PCDH11X: variants seen among roughly 807,000 people sequenced by gnomAD.
PCDH11X encodes the protein protocadherin 11 X-linked.
PCDH11X carries 18 observed loss-of-function variants against 53.3 expected under a neutral mutation model. The observed-to-expected ratio is 0.34, with a 90% CI of 0.23 to 0.50. The LOEUF (loss-of-function observed/expected upper bound fraction) is 0.50. Among genes scored for constraint, PCDH11X ranks in the 20% least tolerant of loss-of-function variants. PCDH11X has a pLI of 0.98. For synonymous variants in PCDH11X, 279 were observed against 393.3 expected, an observed-to-expected ratio of 0.71 and a Z score of 3.44; for missense variants, 570 against 1,032.4, an observed-to-expected ratio of 0.55 and a Z score of 6.14.
chrX:92,384,387 G>T (rs774466713), intron 8 of PCDH11X, among the ~76,000 whole-genome samples: 99 of 111,637 alleles, frequency 8.9e-4, no homozygotes, highest in African/African-American at 2.8e-3. Context: ...TTATTTACAA[G>T]AATGCAAATG....
At chrX:92,555,374 A>T (rs950493352) in intron 10 of PCDH11X, among the ~76,000 whole-genome samples, 5 of 111,906 alleles carry the variant, frequency 4.5e-5, no homozygotes, top group Middle Eastern at 8.5e-3. Flanking sequence ...ACATTCACAT[A>T]AAAAAATTAG....
intron 7 of PCDH11X, among the ~76,000 whole-genome samples, chrX:92,258,765 A>G (rs2067653908): frequency 1.8e-5 from 2 of 111,728 alleles, no homozygotes; most frequent in African/African-American, 6.5e-5. Context: ...AATTTTTCAA[A>G]ATTTTATGCT....
intron 6 of PCDH11X, among the ~76,000 whole-genome samples, chrX:92,005,829 AG>A (rs1358814054): frequency 8.9e-6 from 1 of 111,766 alleles, no homozygotes; most frequent in Non-Finnish European, 1.9e-5. Context: ...TGTCTGAGAA[AG>A]TCTTCATTTC....
intron 6 of PCDH11X, among the ~76,000 whole-genome samples, chrX:92,100,816 C>G (rs1426153023): frequency 2.7e-5 from 3 of 110,537 alleles, no homozygotes; most frequent in Non-Finnish European, 5.7e-5. Flanking sequence ...CAAGCGGGAT[C>G]AGGGGCAGTG....
intron 6 of PCDH11X, among the ~76,000 whole-genome samples, chrX:92,056,355 C>T (rs763041671): frequency 9.0e-6 from 1 of 111,040 alleles, no homozygotes; most frequent in African/African-American, 3.3e-5. Flanking sequence ...CTGTTCATGT[C>T]CTTTGCTCAC....
At chrX:92,052,545 CT>C (rs1363428409) in intron 6 of PCDH11X, among the ~76,000 whole-genome samples, 1 of 62,894 alleles carries the variant, frequency 1.6e-5, no homozygotes, top group African/African-American at 6.1e-5. Context: ...CATTTTCTCT[CT>C]CTTTCTCTGT....
intron 7 of PCDH11X, among the ~76,000 whole-genome samples, chrX:92,258,430 C>T (rs1389273401): frequency 2.9e-5 from 3 of 105,040 alleles, no homozygotes; most frequent in Non-Finnish European, 3.9e-5. Context: ...TGCAGTGGCT[C>T]GATCTCGGCT....
chrX:92,559,440 T>TAC (rs199701051), intron 10 of PCDH11X, among the ~76,000 whole-genome samples: 37,113 of 100,159 alleles, frequency 0.37, 5,916 homozygotes, highest in South Asian at 0.5. Context: ...CAAGTATCTT[T>TAC]ACACACACAC....
intron 6 of PCDH11X, among the ~76,000 whole-genome samples, chrX:92,200,990 C>G (rs2148322180): frequency 9.1e-6 from 1 of 110,276 alleles, no homozygotes; most frequent in Non-Finnish European, 1.9e-5. Flanking sequence ...TAGCTCACTG[C>G]AGCCTCCAAA....
At chrX:92,401,835 A>G (rs187984797) in intron 9 of PCDH11X, among the ~76,000 whole-genome samples, 1,517 of 112,231 alleles carry the variant, frequency 0.014, 26 homozygotes, top group African/African-American at 0.047. Flanking sequence ...ATCAAATGAT[A>G]ACGCTTCATT....
intron 6 of PCDH11X, among the ~76,000 whole-genome samples, chrX:92,108,893 A>C (rs1246092626): frequency 8.9e-6 from 1 of 111,732 alleles, no homozygotes; most frequent in Non-Finnish European, 1.9e-5. Context: ...TTATCATTAT[A>C]AGTTTTGTAA....
chrX:92,579,376 G>A (rs1194020847), intron 10 of PCDH11X, among the ~76,000 whole-genome samples: 1 of 107,873 alleles, frequency 9.3e-6, no homozygotes, highest in Admixed American at 1.0e-4. Context: ...TCTCTTTCAG[G>A]CACCCCAATC....
chrX:92,286,620 C>G (rs935992985), intron 8 of PCDH11X, among the ~76,000 whole-genome samples: 12 of 92,931 alleles, frequency 1.3e-4, no homozygotes, highest in Non-Finnish European at 2.3e-4. Context: ...TATTTTTGAA[C>G]TGATGACTAG....
At chrX:91,887,053 A>G (rs1455993991) in intron 6 of PCDH11X, among the ~76,000 whole-genome samples, 5 of 108,001 alleles carry the variant, frequency 4.6e-5, no homozygotes, top group African/African-American at 1.4e-4. Context: ...TTTATATTCA[A>G]TCAATATTTA....
rs1037236865 is a variant in PCDH11X, at chrX:92,618,435, C to A, written c.3539C>A (p.Ala1180Asp). ...TGCCACAGCCCACCACTGTCACAGG[C>A]CTCTACTCAGCACCACAGCCCACGA... ...ALCHSPPLSQ[A>D]STQHHSPRVT... The change falls in exon 11 of 11, where the codon GCC (alanine) becomes GAC (aspartate). Residue 1180 changes from alanine to aspartate, a missense_variant. This residue lies in a region of PCDH11X where 234 missense variants were observed against 296.1 expected (regional missense o/e 0.79). Coordinates refer to ENST00000682573, the MANE Select transcript of PCDH11X (RefSeq NM_032968.5). 1 of 1,209,725 alleles carries A rather than the reference C, an allele frequency of 8.3e-7. No individual in the cohort carries two copies. Among genetic ancestry groups the A allele is most frequent in the African/African-American group, 1.8e-5 (1 of 56,992 alleles).
At chrX:92,100,861 A>G (rs1337261123) in intron 6 of PCDH11X, among the ~76,000 whole-genome samples, 1 of 110,780 alleles carries the variant, frequency 9.0e-6, no homozygotes, top group African/African-American at 3.3e-5. Flanking sequence ...AAGCTGAAGG[A>G]AGATTTGTGG....
At chrX:92,121,408 G>A (rs1042781861) in intron 6 of PCDH11X, among the ~76,000 whole-genome samples, 43 of 111,350 alleles carry the variant, frequency 3.9e-4, no homozygotes, top group African/African-American at 1.4e-3. Context: ...CACCCACCTC[G>A]GCCTCCCAAA....
chrX:92,155,601 T>C (rs2065514853), intron 6 of PCDH11X, among the ~76,000 whole-genome samples: 1 of 97,121 alleles, frequency 1.0e-5, no homozygotes, highest in Admixed American at 1.2e-4. Flanking sequence ...GACTGTCACC[T>C]CAGTTACTTC....
intron 4 of PCDH11X, among the ~76,000 whole-genome samples, chrX:91,819,276 GA>G (rs1169429626): frequency 5.7e-5 from 6 of 104,726 alleles, no homozygotes; most frequent in East Asian, 3.0e-4. Flanking sequence ...GTGAGAAACA[GA>G]AAAAAAAATT....
Sources: gnomAD v4.1 joint callset for allele counts (sites outside exome capture counted in the v4.1 genomes callset) on GRCh38, gnomAD v4.1.1 for gene constraint, gnomAD v4.1.1 regional missense constraint, MANE v1.5 for transcripts, NCBI Gene and HGNC (gene_info 2026-07-23, HGNC 2026-07-21) for gene names.